SYT16: variants seen among roughly 807,000 people sequenced by gnomAD.
The protein encoded by SYT16 is synaptotagmin 16.
In SYT16, 42 loss-of-function variants were observed where a neutral mutation model predicts 61.4. The ratio of observed to expected loss-of-function variants is 0.68; its 90% CI spans 0.53 to 0.89. SYT16 has a LOEUF of 0.89. Among genes scored for constraint, SYT16 ranks in the 40% least tolerant of loss-of-function variants. The pLI is 0.00. For synonymous variants in SYT16, 314 were observed against 302.3 expected (o/e 1.04, Z -0.40); for missense variants, 804 against 807.3 (o/e 1.00, Z 0.05).
chr14:62,036,633 G>A (rs2054518536), intron 3 of SYT16, among the ~76,000 whole-genome samples: 1 of 152,294 alleles, frequency 6.6e-6, no homozygotes, highest in East Asian at 1.9e-4. Context: ...AGAAGGCAAA[G>A]GAGGAGCAAA....
chr14:62,013,938 T>C (rs1309142335), intron 3 of SYT16, among the ~76,000 whole-genome samples: 2 of 151,396 alleles, frequency 1.3e-5, no homozygotes, highest in Non-Finnish European at 1.5e-5. Flanking sequence ...CACTCCAGCC[T>C]GCGCAACAGA....
rs761346026 is a variant in SYT16, at chr14:62,084,278, C to A, written c.1517C>A (p.Ala506Glu). ...ACGCAGTCGCTGTCTCATGGAGGGG[C>A]GCCAGAGCTGTTGGTGGGGCTCTCG... ...SSTQSLSHGG[A>E]PELLVGLSYN... The change falls in exon 7 of 8, where the codon GCG becomes GAG. Residue 506 changes from alanine to glutamate, a missense_variant. Transcript: ENST00000683842. 6.2e-7 allele frequency: 1 copy of A among 1,613,866 alleles called. No individual in the cohort carries two copies. The highest frequency in any genetic ancestry group is 8.5e-7 in the Non-Finnish European group (1 of 1,179,852).
intron 1 of SYT16, among the ~76,000 whole-genome samples, chr14:61,822,780 AAATT>A (rs1421571615): frequency 6.6e-6 from 1 of 152,198 alleles, no homozygotes; most frequent in Non-Finnish European, 1.5e-5. Context: ...ATTTTTGGAA[AAATT>A]AAAAAACACA....
intron 1 of SYT16, among the ~76,000 whole-genome samples, chr14:61,818,342 T>C (rs2045506183): frequency 6.6e-6 from 1 of 152,120 alleles, no homozygotes; most frequent in African/African-American, 2.4e-5. Flanking sequence ...TCCCTCCTCA[T>C]AATCCCCAAG....
chr14:62,098,493 C>T (rs1455722655), intron 7 of SYT16, among the ~76,000 whole-genome samples: 2 of 152,160 alleles, frequency 1.3e-5, no homozygotes, highest in Non-Finnish European at 2.9e-5. Flanking sequence ...AATTTGAGTG[C>T]TTTCTTTCCT....
chr14:61,859,128 G>A (rs993557637), intron 1 of SYT16, among the ~76,000 whole-genome samples: 1 of 151,996 alleles, frequency 6.6e-6, no homozygotes, highest in African/African-American at 2.4e-5. Context: ...CAAAGTGTTG[G>A]GATTACAGGC....
In SYT16 at chr14:62,106,163, A is replaced by G. The variant is rs891463690; in HGVS notation, c.*5456A>G. ...CAAAATGTATTCATTGTCTAGTACTATGCTATCTGGGCTGGCACAGAACTT... is the reference window on the plus strand; with the variant it reads ...CAAAATGTATTCATTGTCTAGTACTGTGCTATCTGGGCTGGCACAGAACTT... On this transcript the variant is annotated 3_prime_UTR_variant, in exon 8 of 8. Transcript: ENST00000683842. 2 of 152,234 alleles carry G rather than the reference A, an allele frequency of 1.3e-5. No homozygotes were observed. Among genetic ancestry groups the G allele is most frequent in the African/African-American group, 2.4e-5 (1 of 41,458 alleles). The allele number at this position is 152,234 out of a possible 1,614,324, so 9.4% of individuals were successfully genotyped here.
chr14:61,829,844 C>T (rs1374469406), intron 1 of SYT16, among the ~76,000 whole-genome samples: 3 of 151,992 alleles, frequency 2.0e-5, no homozygotes, highest in East Asian at 1.9e-4. Context: ...TTAGTATAGA[C>T]GGGGTTTCAC....
intron 7 of SYT16, among the ~76,000 whole-genome samples, chr14:62,095,046 G>T (rs1183396367): frequency 2.0e-5 from 3 of 151,982 alleles, no homozygotes; most frequent in Non-Finnish European, 4.4e-5. Context: ...TTACTGATAA[G>T]AGACTAGGGG....
chr14:61,849,750 T>C (rs2046554964), intron 1 of SYT16, among the ~76,000 whole-genome samples: 1 of 152,170 alleles, frequency 6.6e-6, no homozygotes, highest in South Asian at 2.1e-4. Flanking sequence ...TAGTGCCTCT[T>C]TCAGTGATAT....
chr14:61,847,686 A>G lies in SYT16; in HGVS notation c.-325+34876A>G, dbSNP rs1251989899. On this transcript the variant is annotated intron_variant, in intron 1 of 7. Transcript: ENST00000683842. ...TCTTTCCATCTCCTCTTTATGGCCA[A>G]TAACTCTGCCTTTTAAAGACTATTT... Among the ~76,000 whole-genome samples the G allele has an allele frequency of 2.0e-5, 3 of 152,108 alleles. No homozygotes were observed. The East Asian group carries it at 5.8e-4, about 29-fold the overall frequency.
At chr14:61,970,093 C>T (rs944602745) in intron 1 of SYT16, 39 bp from the exon 2 acceptor site, 3 of 152,154 alleles carry the variant, frequency 2.0e-5, no homozygotes, top group Non-Finnish European at 4.4e-5. Flanking sequence ...AGGTCATTCT[C>T]ATTGTGATGA....
intron 3 of SYT16, among the ~76,000 whole-genome samples, chr14:62,009,274 A>G (rs2053348562): frequency 6.6e-6 from 1 of 152,226 alleles, no homozygotes; most frequent in South Asian, 2.1e-4. Flanking sequence ...AATGAAAGTT[A>G]CAAACTCACT....
intron 2 of SYT16, among the ~76,000 whole-genome samples, chr14:61,981,247 A>G (rs566075230): frequency 1.1e-4 from 17 of 152,190 alleles, no homozygotes; most frequent in Non-Finnish European, 2.4e-4. Flanking sequence ...TATTAATCTC[A>G]TCTACAATAA....
At chr14:62,034,867 A>G (rs775157495) in intron 3 of SYT16, among the ~76,000 whole-genome samples, 4 of 152,178 alleles carry the variant, frequency 2.6e-5, no homozygotes, top group Admixed American at 6.5e-5. Context: ...TTATATATCA[A>G]TAAAGCTGTT....
chr14:62,006,002 A>G (rs906314087), intron 3 of SYT16, among the ~76,000 whole-genome samples: 5 of 152,092 alleles, frequency 3.3e-5, no homozygotes, highest in African/African-American at 1.2e-4. Context: ...GCCTCTAGGG[A>G]ACTTCCATTT....
chr14:62,087,379 C>T (rs941047878), intron 7 of SYT16, among the ~76,000 whole-genome samples: 9 of 152,186 alleles, frequency 5.9e-5, no homozygotes, highest in Admixed American at 3.9e-4. Context: ...ACAGGGTCGC[C>T]GCCGGCCAGG....
intron 1 of SYT16, among the ~76,000 whole-genome samples, chr14:61,823,099 T>G (rs985455400): frequency 6.6e-6 from 1 of 152,162 alleles, no homozygotes; most frequent in Non-Finnish European, 1.5e-5. Flanking sequence ...TTCAAGTGAT[T>G]CTCCTGCCTC....
At chr14:61,965,364 T>C (rs2051273971) in intron 1 of SYT16, among the ~76,000 whole-genome samples, 1 of 152,178 alleles carries the variant, frequency 6.6e-6, no homozygotes, top group Non-Finnish European at 1.5e-5. Flanking sequence ...CACTAAGTAC[T>C]CATAAGCACA....
Sources: gnomAD v4.1 joint callset for allele counts (sites outside exome capture counted in the v4.1 genomes callset) on GRCh38, gnomAD v4.1.1 for gene constraint, MANE v1.5 for transcripts, NCBI Gene and HGNC (gene_info 2026-07-23, HGNC 2026-07-21) for gene names.